The following TCF4 variants were observed in gnomAD, a reference collection of about 807,000 sequenced individuals.
The protein encoded by TCF4 is transcription factor 4, also known as SL3-3 enhancer factor 2.
Under a neutral mutation model 82.1 loss-of-function variants are expected in TCF4, and 3 were observed. The ratio of observed to expected loss-of-function variants is 0.04; its 90% CI spans 0.02 to 0.09. The LOEUF (loss-of-function observed/expected upper bound fraction) is 0.09. Among genes scored for constraint, TCF4 ranks in the 10% least tolerant of loss-of-function variants. The probability of loss-of-function intolerance (pLI) is 1.00; values close to 1 mark genes in which losing one functional copy is unlikely to be tolerated. For synonymous variants in TCF4, 276 were observed against 309.6 expected, an observed-to-expected ratio of 0.89 and a Z score of 1.14; for missense variants, 518 against 852.7, an observed-to-expected ratio of 0.61 and a Z score of 4.89.
intron 5 of TCF4, among the ~76,000 whole-genome samples, chr18:55,413,882 C>T (rs1302508278): frequency 2.0e-5 from 3 of 152,096 alleles, no homozygotes; most frequent in Non-Finnish European, 4.4e-5. Flanking sequence ...GTGAATGAGG[C>T]CTAAAAAACA....
At chr18:55,370,745 T>A (rs765504604) in intron 6 of TCF4, among the ~76,000 whole-genome samples, 1 of 152,066 alleles carries the variant, frequency 6.6e-6, no homozygotes, top group African/African-American at 2.4e-5. Context: ...TAGATAGGAA[T>A]AAAATCAATT....
intron 15 of TCF4, among the ~76,000 whole-genome samples, chr18:55,237,292 C>T (rs139418201): frequency 9.9e-5 from 15 of 152,214 alleles, no homozygotes; most frequent in African/African-American, 3.1e-4. Context: ...TTCCCCTATA[C>T]AATGACTGTA....
At chr18:55,298,034 T>A (rs906844898) in intron 8 of TCF4, among the ~76,000 whole-genome samples, 1 of 152,198 alleles carries the variant, frequency 6.6e-6, no homozygotes, top group Non-Finnish European at 1.5e-5. Context: ...GTCTTTTTTT[T>A]AAAGGTGCTG....
intron 3 of TCF4, among the ~76,000 whole-genome samples, chr18:55,509,321 A>G (rs2096798612): frequency 7.0e-6 from 1 of 142,548 alleles, no homozygotes. Flanking sequence ...AACATAAAAC[A>G]CTCACACAGA....
intron 5 of TCF4, among the ~76,000 whole-genome samples, chr18:55,446,984 CAAA>C (rs35946795): frequency 3.6e-5 from 3 of 84,208 alleles, no homozygotes. Context: ...GACTCTGTCT[CAAA>C]AAAAAAAAAA....
At chr18:55,244,329 T>C (rs1275888258) in intron 15 of TCF4, among the ~76,000 whole-genome samples, 3 of 152,182 alleles carry the variant, frequency 2.0e-5, no homozygotes, top group Non-Finnish European at 2.9e-5. Context: ...TTATTTGAAA[T>C]AGTAGTTCTT....
At chr18:55,626,505 A>G (rs992300569) in intron 2 of TCF4, among the ~76,000 whole-genome samples, 2 of 152,218 alleles carry the variant, frequency 1.3e-5, no homozygotes, top group Non-Finnish European at 2.9e-5. Flanking sequence ...GCAAACTTCC[A>G]TGCTTCAATT....
At chr18:55,275,919 T>C (rs1486918532) in intron 9 of TCF4, among the ~76,000 whole-genome samples, 167 bp from the exon 10 acceptor site, 3 of 152,236 alleles carry the variant, frequency 2.0e-5, no homozygotes, top group African/African-American at 4.8e-5. Flanking sequence ...AGTGGCTCTA[T>C]ATTGTCAAAC....
At chr18:55,349,252 A>G (rs1178329632) in intron 8 of TCF4, among the ~76,000 whole-genome samples, 1 of 152,118 alleles carries the variant, frequency 6.6e-6, no homozygotes, top group African/African-American at 2.4e-5. Flanking sequence ...CTTTTTCCTG[A>G]TAAGACTTAT....
intron 8 of TCF4, among the ~76,000 whole-genome samples, chr18:55,289,507 T>C (rs561119770): frequency 2.0e-5 from 3 of 152,346 alleles, no homozygotes; most frequent in East Asian, 3.9e-4. Flanking sequence ...ACACCTATCA[T>C]ATCAAATTCA....
chr18:55,603,042 T>C lies in TCF4; in HGVS notation c.287-15906A>G, dbSNP rs551862544. ...TTTACAGTTGGGGGACATAGAAAGATACTAGATTTAGAGTAATATACCTGG... is the reference window on the plus strand; with the variant it reads ...TTTACAGTTGGGGGACATAGAAAGACACTAGATTTAGAGTAATATACCTGG... On this transcript the variant is annotated intron_variant, in intron 2 of 20. Transcript: ENST00000398339. 5.9e-5 allele frequency among the ~76,000 whole-genome samples: 9 copies of C among 152,310 alleles called. No individual in the cohort carries two copies. In the South Asian group the frequency reaches 1.7e-3, roughly 28 times the overall value.
intron 3 of TCF4, among the ~76,000 whole-genome samples, chr18:55,568,698 C>T (rs2097431912): frequency 6.6e-6 from 1 of 152,036 alleles, no homozygotes; most frequent in African/African-American, 2.4e-5. Flanking sequence ...ATTGTTTCAT[C>T]CTTATTTAAG....
chr18:55,291,895 A>G (rs191801370), intron 8 of TCF4, among the ~76,000 whole-genome samples: 1 of 152,354 alleles, frequency 6.6e-6, no homozygotes, highest in Admixed American at 6.5e-5. Context: ...ATAAGCAACT[A>G]GAAAATGTGA....
intron 13 of TCF4, among the ~76,000 whole-genome samples, chr18:55,258,103 T>G (rs2057275923): frequency 6.6e-6 from 1 of 152,050 alleles, no homozygotes; most frequent in African/African-American, 2.4e-5. Context: ...GAAAAAATAA[T>G]AGCTATGATC....
intron 8 of TCF4, among the ~76,000 whole-genome samples, chr18:55,302,007 G>A (rs933411377): frequency 3.3e-5 from 5 of 152,188 alleles, no homozygotes; most frequent in African/African-American, 7.2e-5. Context: ...AAACAAAACC[G>A]TGGTTGTAAC....
intron 3 of TCF4, chr18:55,550,922 C>T (rs1416891869): frequency 1.3e-5 from 2 of 152,104 alleles, no homozygotes; most frequent in Non-Finnish European, 2.9e-5. Flanking sequence ...AAAATGCCAA[C>T]ACCAAACACA....
At position 55,293,551 on chromosome 18, in the gene TCF4, G is replaced by A. The variant is rs546333154; in HGVS notation, c.550-13895C>T. Among the ~76,000 whole-genome samples the A allele has an allele frequency of 3.9e-5, 6 of 152,132 alleles. No individual in the cohort carries two copies. The South Asian group carries it at 1.2e-3, about 32-fold the overall frequency. On this transcript the variant is annotated intron_variant, in intron 8 of 19. Transcript: ENST00000354452. ...AGCAGGAGACATCTTTCTAGATTTG[G>A]TTCTATCGTTAATAGATAGAGGTTC...
In TCF4 at chr18:55,564,315, A is replaced by G. The variant is rs536434169; in HGVS notation, c.145+20965T>C. Among the ~76,000 whole-genome samples the G allele has an allele frequency of 1.8e-4, 28 of 152,358 alleles. No individual in the cohort carries two copies. The South Asian group carries it at 1.9e-3, about 10-fold the overall frequency. On this transcript the variant is annotated intron_variant, in intron 3 of 19. Coordinates refer to ENST00000354452, the MANE Select transcript of TCF4 (RefSeq NM_001083962.2). ...GAGAACAGAAGTTATTCTAGGCACT[A>G]TGAGAAAAACATTGAAGCTGGGAGA...
intron 3 of TCF4, among the ~76,000 whole-genome samples, chr18:55,551,959 A>C (rs907043007): frequency 6.6e-6 from 1 of 152,264 alleles, no homozygotes; most frequent in African/African-American, 2.4e-5. Flanking sequence ...ATGTCAAATG[A>C]CAATGACAAT....
Sources: gnomAD v4.1 joint callset for allele counts (sites outside exome capture counted in the v4.1 genomes callset) on GRCh38, gnomAD v4.1.1 for gene constraint, MANE v1.5 for transcripts, NCBI Gene and HGNC (gene_info 2026-07-23, HGNC 2026-07-21) for gene names.